IL7: variants seen among roughly 807,000 people sequenced by gnomAD.
IL7 encodes interleukin-7.
Under a neutral mutation model 21.6 loss-of-function variants are expected in IL7, and 3 were observed. That is an observed-to-expected ratio of 0.14 (90% CI 0.06 to 0.36). The LOEUF (loss-of-function observed/expected upper bound fraction) is 0.36, where lower values mean the gene tolerates loss of function less well. Among genes scored for constraint, IL7 ranks in the 10% least tolerant of loss-of-function variants. IL7 has a pLI of 1.00. For missense variants in IL7, 175 were observed against 200.2 expected, an observed-to-expected ratio of 0.87 and a Z score of 0.76; for synonymous variants, 62 against 68.1, an observed-to-expected ratio of 0.91 and a Z score of 0.44.
At chr8:78,794,013 CTTCTAA>C in intron 2 of IL7, among the ~76,000 whole-genome samples, 1 of 152,252 alleles carries the variant, frequency 6.6e-6, no homozygotes, top group East Asian at 1.9e-4. Flanking sequence ...TCAGGCTCCA[CTTCTAA>C]TTCTAATTCT....
chr8:78,773,252 G>A (rs754000316), intron 2 of IL7, among the ~76,000 whole-genome samples: 5 of 151,998 alleles, frequency 3.3e-5, no homozygotes, highest in South Asian at 2.1e-4. Context: ...CAGTGGGCAC[G>A]TCTTTGGGAT....
chr8:78,804,892 G>T (rs375683576), intron 1 of IL7, 21 bp downstream of exon 1: 38 of 1,612,678 alleles, frequency 2.4e-5, no homozygotes, highest in Admixed American at 3.3e-5. Context: ...GAACTTGTGC[G>T]CAAGGGAGAA....
chr8:78,684,449 C>G (rs899237263), intron 4 of IL7, among the ~76,000 whole-genome samples: 1 of 152,138 alleles, frequency 6.6e-6, no homozygotes, highest in African/African-American at 2.4e-5. Flanking sequence ...AACCTGCCCC[C>G]GTGATTCAAT....
At chr8:78,795,383 A>G (rs1293757197) in intron 2 of IL7, among the ~76,000 whole-genome samples, 2 of 152,106 alleles carry the variant, frequency 1.3e-5, no homozygotes, top group African/African-American at 4.8e-5. Context: ...TAAGGTTACT[A>G]TGGAACTACT....
chr8:78,790,554 T>C (rs1813653908), intron 2 of IL7, among the ~76,000 whole-genome samples: 1 of 152,126 alleles, frequency 6.6e-6, no homozygotes, highest in Non-Finnish European at 1.5e-5. Context: ...GCTAATAGTC[T>C]GTGAGATACA....
chr8:78,699,498 A>G (rs1327622976), intron 3 of IL7, among the ~76,000 whole-genome samples: 1 of 152,050 alleles, frequency 6.6e-6, no homozygotes, highest in Admixed American at 6.6e-5. Context: ...CAGGGATACA[A>G]GTGCAGGTTT....
intron 3 of IL7, among the ~76,000 whole-genome samples, chr8:78,726,060 A>G (rs1367664111): frequency 3.9e-5 from 6 of 151,946 alleles, no homozygotes; most frequent in Admixed American, 6.6e-5. Context: ...TGACAATGCT[A>G]TGGAGAAAAA....
At chr8:78,790,333 AT>A (rs1412099181) in intron 2 of IL7, among the ~76,000 whole-genome samples, 7 of 152,176 alleles carry the variant, frequency 4.6e-5, no homozygotes, top group African/African-American at 1.7e-4. Context: ...TGGATAAAAA[AT>A]ATTGTATAAC....
chr8:78,710,681 A>G (rs989830810), intron 3 of IL7, among the ~76,000 whole-genome samples: 31 of 152,098 alleles, frequency 2.0e-4, no homozygotes, highest in African/African-American at 7.5e-4. Flanking sequence ...AAGGATTAGA[A>G]TAAAATCTGA....
chr8:78,721,362 A>G (rs1183550581), exon 4 of IL7: 1 of 152,060 alleles, frequency 6.6e-6, no homozygotes, highest in East Asian at 1.9e-4. Context: ...TAGTGGAGAA[A>G]GGACAATTTG....
At chr8:78,680,223 A>T (rs187896741) in intron 4 of IL7, among the ~76,000 whole-genome samples, 36 of 150,716 alleles carry the variant, frequency 2.4e-4, no homozygotes, top group Non-Finnish European at 4.7e-4. Flanking sequence ...TAAAAATTGA[A>T]TTCTAGAAAA....
At chr8:78,798,308 A>G in intron 1 of IL7, 100 bp from the exon 2 acceptor site, 2 of 820,966 alleles carry the variant, frequency 2.4e-6, no homozygotes, top group Non-Finnish European at 3.7e-6. Context: ...AATAATTTTA[A>G]AAATACATCT....
intron 2 of IL7, among the ~76,000 whole-genome samples, chr8:78,743,796 C>CT (rs945106441): frequency 7.9e-5 from 12 of 151,588 alleles, no homozygotes; most frequent in African/African-American, 2.4e-4. Flanking sequence ...CGTTGCCTAC[C>CT]TTTTTTTTTC....
At chr8:78,793,652 G>T (rs984041627) in intron 2 of IL7, among the ~76,000 whole-genome samples, 1 of 152,128 alleles carries the variant, frequency 6.6e-6, no homozygotes, top group Admixed American at 6.5e-5. Context: ...GGTTGCTGAA[G>T]GTTGGGTGGC....
At chr8:78,740,379 G>T (rs932061103) in intron 2 of IL7, among the ~76,000 whole-genome samples, 4 of 152,124 alleles carry the variant, frequency 2.6e-5, no homozygotes, top group Non-Finnish European at 5.9e-5. Context: ...TATTTTAGAA[G>T]TTATGCTTTA....
intron 2 of IL7, among the ~76,000 whole-genome samples, chr8:78,779,763 G>A (rs993508978): frequency 6.6e-6 from 1 of 152,158 alleles, no homozygotes; most frequent in Admixed American, 6.5e-5. Flanking sequence ...AAATGAGTTA[G>A]TGAGGAGTCC....
intron 4 of IL7, among the ~76,000 whole-genome samples, chr8:78,681,088 G>A (rs1363123507): frequency 1.4e-5 from 2 of 147,528 alleles, no homozygotes; most frequent in Admixed American, 6.7e-5. Flanking sequence ...TTTTTTTTTT[G>A]AAGTGGTTCT....
chr8:78,699,932 G>T (rs1272592217), intron 3 of IL7, among the ~76,000 whole-genome samples: 1 of 151,976 alleles, frequency 6.6e-6, no homozygotes, highest in Non-Finnish European at 1.5e-5. Context: ...GTGAACATAT[G>T]TGTGTGTCTT....
chr8:78,733,415 GTAT>G lies in IL7; in HGVS notation c.*295_*297del, dbSNP rs1811475206. On this transcript the variant is annotated 3_prime_UTR_variant, in exon 6 of 6. Transcript: ENST00000263851. ...TGAAATATTTAAACAGGTTTGAGAA[GTAT>G]TATTGCAACTGATACCTTACATGGA... 1 of 244,384 alleles carries G rather than the reference GTAT, an allele frequency of 4.1e-6. No individual in the cohort carries two copies. The highest frequency in any genetic ancestry group is 7.8e-6 in the Non-Finnish European group (1 of 127,942). 15.1% of individuals were successfully genotyped at this position (244,384 alleles called of 1,614,324 possible). A position where few individuals can be genotyped will look rare whatever the true frequency, so the allele number is the denominator to read the frequency against.
Sources: gnomAD v4.1 joint callset for allele counts (sites outside exome capture counted in the v4.1 genomes callset) on GRCh38, gnomAD v4.1.1 for gene constraint, MANE v1.5 for transcripts, NCBI Gene and HGNC (gene_info 2026-07-23, HGNC 2026-07-21) for gene names.